The following HNRNPU variants were observed in gnomAD, a reference collection of about 807,000 sequenced individuals.
HNRNPU encodes the protein heterogeneous nuclear ribonucleoprotein U.
In HNRNPU, 5 loss-of-function variants were observed where a neutral mutation model predicts 94.7. The ratio of observed to expected loss-of-function variants is 0.05; its 90% CI spans 0.03 to 0.11. The LOEUF (loss-of-function observed/expected upper bound fraction) is 0.11, where lower values mean the gene tolerates loss of function less well. HNRNPU is among the 10% of genes least tolerant of loss of function. HNRNPU has a pLI of 1.00. For missense variants in HNRNPU, 710 were observed against 1,049.2 expected (o/e 0.68, Z 4.47); for synonymous variants, 434 against 381.6 (o/e 1.14, Z -1.60).
chr1:244,858,176 T>A lies in HNRNPU; in HGVS notation c.1329A>T (p.Pro443=), dbSNP rs777795507. 1.3e-5 allele frequency: 21 copies of A among 1,614,062 alleles called. No homozygotes were observed. Among genetic ancestry groups the A allele is most frequent in the Non-Finnish European group, 1.8e-5 (21 of 1,180,016 alleles). Residue 443 remains proline (P), a synonymous_variant, in exon 7 of 14, where the codon CCA becomes CCT. Transcript: ENST00000640218. ...KISKEVLAGR[P]LFPHVLCHNC... ...TGTGGCAGAGAACATGCGGGAACAGTGGCCGTCCAGCAAGAACTTCCTTAC... is the reference window on the plus strand; with the variant it reads ...TGTGGCAGAGAACATGCGGGAACAGAGGCCGTCCAGCAAGAACTTCCTTAC...
In HNRNPU at chr1:244,855,291, C is replaced by G. The variant is rs1680648193; in HGVS notation, c.2352+133G>C. 1.9e-5 allele frequency: 17 copies of G among 888,354 alleles called. 1 individual carries two copies. In the South Asian group the frequency reaches 2.6e-4, roughly 13 times the overall value. The allele number at this position is 888,354 out of a possible 1,614,324, so 55.0% of individuals were successfully genotyped here. On this transcript the variant is annotated intron_variant, in intron 12 of 13. Coordinates refer to ENST00000640218, the MANE Select transcript of HNRNPU (RefSeq NM_031844.3). The stretch of plus-strand genomic sequence containing the variant: ...AGTAAGTAGACTCATTTCACCATTA[C>G]TAGTTCAATTTTCCTTATGTCAATG...
intron 1 of HNRNPU, 65 bp from the exon 2 acceptor site, chr1:244,862,795 C>A (rs533994336): frequency 8.5e-7 from 1 of 1,181,398 alleles, no homozygotes; most frequent in African/African-American, 1.5e-5. Flanking sequence ...TTTTCCGTTC[C>A]GAGAACCAAA....
chr1:244,855,895 T>C lies in HNRNPU; in HGVS notation c.2167+9A>G. 1 of 1,613,078 alleles carries C rather than the reference T, an allele frequency of 6.2e-7. No homozygotes were observed. Among genetic ancestry groups the C allele is most frequent in the South Asian group, 1.1e-5 (1 of 90,924 alleles). On this transcript the variant is annotated intron_variant, in intron 11 of 13. Transcript: ENST00000640218. The stretch of plus-strand genomic sequence containing the variant: ...TGAACTAAATACAGAACACTCAAAA[T>C]TAACTTGCCTCCTCCTCTGAAATTT...
At chr1:244,858,388 CTAT>C in intron 6 of HNRNPU, 114 bp from the exon 7 acceptor site, 1 of 976,286 alleles carries the variant, frequency 1.0e-6, no homozygotes, top group Admixed American at 2.8e-5. Flanking sequence ...GGTTAAAGAA[CTAT>C]TAGGTGGCCT....
chr1:244,863,802 T>C lies in HNRNPU; in HGVS notation c.506A>G (p.Gln169Arg), dbSNP rs1680924291. The C allele has an allele frequency of 6.2e-7, 1 of 1,609,242 alleles. No homozygotes were observed. Among genetic ancestry groups the C allele is most frequent in the Non-Finnish European group, 8.5e-7 (1 of 1,178,754 alleles). Residue 169 changes from glutamine to arginine, a missense_variant, in exon 1 of 14, where the codon CAG (glutamine) becomes CGG (arginine). Gln to Arg is a conservative substitution (Grantham distance 43). Around this residue, in one of 8 missense-constraint regions of HNRNPU, gnomAD observed 292 missense variants for 293.4 expected, o/e 1.00. Transcript: ENST00000640218. Reference protein sequence around the residue: ...GEQQPQPPATQQQQPQQQRGA... With the variant: ...GEQQPQPPATRQQQPQQQRGA... ...GCGCTGCTGTTGGGGCTGTTGCTGC[T>C]GCGTCGCCGGCGGTTGAGGCTGCTG...
chr1:244,863,489 C>T, intron 1 of HNRNPU, 128 bp downstream of exon 1: 1 of 1,092,096 alleles, frequency 9.2e-7, no homozygotes, highest in Non-Finnish European at 1.2e-6. Context: ...CGCGCCCCCT[C>T]CCCCACCCTC....
In HNRNPU at chr1:244,859,013, A is replaced by C. The variant is rs115664894; in HGVS notation, c.1118-172T>G. ...CCAGAATTGATGGAAGTTAGGAGGG[A>C]TATATACGCAGAGACCAAATTAGTT... On this transcript the variant is annotated intron_variant, in intron 5 of 13. Transcript: ENST00000640218. 12,686 of 593,922 alleles carry C rather than the reference A, an allele frequency of 0.021. 163 individuals are homozygous for C. Among genetic ancestry groups the C allele is most frequent in the Middle Eastern group, 0.033 (76 of 2,292 alleles). The allele number at this position is 593,922 out of a possible 1,614,324, so 36.8% of individuals were successfully genotyped here.
intron 3 of HNRNPU, chr1:244,860,770 T>A: frequency 5.0e-6 from 2 of 399,542 alleles, no homozygotes; most frequent in Non-Finnish European, 8.9e-6. Flanking sequence ...CCTGCTCTGC[T>A]CTTTACCTTG....
At chr1:244,862,308 AACT>A (rs1408750472) in intron 3 of HNRNPU, 150 bp downstream of exon 3, 3 of 594,236 alleles carry the variant, frequency 5.0e-6, no homozygotes, top group Admixed American at 6.4e-5. Context: ...CTAAATATTA[AACT>A]ACTAGGTTCT....
At position 244,858,111 on chromosome 1, in the gene HNRNPU, G is replaced by A. The variant is rs375317302; in HGVS notation, c.1394C>T (p.Pro465Leu). Residue 465 changes from proline to leucine, a missense_variant, in exon 7 of 14, where the codon CCA becomes CTA. Around this residue, in one of 8 missense-constraint regions of HNRNPU, gnomAD observed 150 missense variants for 187.9 expected, o/e 0.80. Transcript: ENST00000640218. ...VEFNFGQKEKPYFPIPEEYTF... is the reference protein window; with the variant it reads ...VEFNFGQKEKLYFPIPEEYTF... ...ATACTCTTCAGGTATTGGAAAATAT[G>A]GCTTTTCCTTCTGACCAAAATTAAA... The A allele has an allele frequency of 4.3e-6, 7 of 1,613,816 alleles. No individual in the cohort carries two copies. Among genetic ancestry groups the A allele is most frequent in the Non-Finnish European group, 5.9e-6 (7 of 1,179,896 alleles).
rs1168925649 is a variant in HNRNPU at position 244,862,780 on chromosome 1, A to G, written c.692-50T>C. ...AGGCCAAGCCTCTAAACAACAAAAAAACGCTTTTCCGTTCCGAGAACCAAA... is the reference window on the plus strand; with the variant it reads ...AGGCCAAGCCTCTAAACAACAAAAAGACGCTTTTCCGTTCCGAGAACCAAA... On this transcript the variant is annotated intron_variant, in intron 1 of 13. Transcript: ENST00000640218. 3 of 1,421,852 alleles carry G rather than the reference A, an allele frequency of 2.1e-6. No individual in the cohort carries two copies. In the East Asian group the frequency reaches 6.8e-5, roughly 32 times the overall value. 88.1% of individuals were successfully genotyped at this position (1,421,852 alleles called of 1,614,324 possible). A position where few individuals can be genotyped will look rare whatever the true frequency, so the allele number is the denominator to read the frequency against.
rs1412217371 is a variant in HNRNPU, at chr1:244,857,815, T to C, written c.1495-98A>G. On this transcript the variant is annotated intron_variant, in intron 7 of 13. Transcript: ENST00000640218. ...GCCAATTTAAATATCTAAGTTTTCATAGCCCTTACACTAACGGACAAAAAT... is the reference window on the plus strand; with the variant it reads ...GCCAATTTAAATATCTAAGTTTTCACAGCCCTTACACTAACGGACAAAAAT... The C allele has an allele frequency of 4.0e-5, 59 of 1,472,054 alleles. No homozygotes were observed. The East Asian group carries it at 9.5e-4, about 24-fold the overall frequency. The allele number at this position is 1,472,054 out of a possible 1,614,324, so 91.2% of individuals were successfully genotyped here.
rs199765762 is a variant in HNRNPU, at chr1:244,863,934, T to G, written c.374A>C (p.Glu125Ala). The change falls in exon 1 of 14, where the codon GAG (glutamate) becomes GCG (alanine). Residue 125 changes from glutamate (E) to alanine (A), a missense_variant. By Grantham distance (107) the Glu-to-Ala change is moderately radical. Coordinates refer to ENST00000640218, the MANE Select transcript of HNRNPU (RefSeq NM_031844.3). ...AADSGPMEEEEAASEDENGDD... is the reference protein window; with the variant it reads ...AADSGPMEEEAAASEDENGDD... Reference sequence around the variant, plus strand: ...GCCGTTCTCGTCTTCCGAGGCGGCCTCCTCCTCCTCCATCGGGCCCGAGTC... The same window carrying G: ...GCCGTTCTCGTCTTCCGAGGCGGCCGCCTCCTCCTCCATCGGGCCCGAGTC... 81 of 1,612,596 alleles carry G rather than the reference T, an allele frequency of 5.0e-5. No homozygotes were observed. Among genetic ancestry groups the G allele is most frequent in the Admixed American group, 4.7e-4 (28 of 59,942 alleles).
At chr1:244,862,195 TG>T (rs1680849526) in intron 3 of HNRNPU, 1 of 362,842 alleles carries the variant, frequency 2.8e-6, no homozygotes, top group Admixed American at 4.2e-5. Context: ...AGTCAAAAAC[TG>T]GCATTAATTT....
rs1680927043 is a variant in HNRNPU at position 244,863,882 on chromosome 1, T to G, written c.426A>C (p.Glu142Asp). ...CTTCCTCTTCGTCCCCGAGCTCATC[T>G]TCCCCTTCCTGGAAACCCTGATCGT... ...NGDDQGFQEG[E>D]DELGDEEEGA... is the part of the protein sequence containing the mutation. The change falls in exon 1 of 14, where the codon GAA becomes GAC. Residue 142 changes from glutamate (E) to aspartate (D), a missense_variant. Glu to Asp is a conservative substitution (Grantham distance 45). Around this residue, in one of 8 missense-constraint regions of HNRNPU, gnomAD observed 292 missense variants for 293.4 expected, o/e 1.00. Coordinates refer to ENST00000640218, the MANE Select transcript of HNRNPU (RefSeq NM_031844.3). The G allele has an allele frequency of 2.5e-6, 4 of 1,613,758 alleles. No homozygotes were observed. The East Asian group carries it at 6.7e-5, about 27-fold the overall frequency.
rs965374973 is a variant in HNRNPU at position 244,852,778 on chromosome 1, A to T, written c.*1672T>A. 1 of 152,340 alleles carries T rather than the reference A, an allele frequency of 6.6e-6. No homozygotes were observed. Among genetic ancestry groups the T allele is most frequent in the Admixed American group, 6.5e-5 (1 of 15,272 alleles). The allele number at this position is 152,340 out of a possible 1,614,324, so 9.4% of individuals were successfully genotyped here. ...AAAGGGCTAAAACAAAATTCTAAGC[A>T]ATCAGAAATATAGCAAACCTAAACT... On this transcript the variant is annotated 3_prime_UTR_variant, in exon 14 of 14. Transcript: ENST00000640218.
chr1:244,856,629 T>A lies in HNRNPU; in HGVS notation c.1744-4A>T, dbSNP rs1242693487. 12 of 1,611,452 alleles carry A rather than the reference T, an allele frequency of 7.4e-6. No individual in the cohort carries two copies. The highest frequency in any genetic ancestry group is 5.1e-5 in the Admixed American group (3 of 59,336). ...GGGCAGCAGCAGACACATTTGTCTT[T>A]AAAAAAAGAAATTTATGTTTACAAC... is the stretch of plus-strand genomic sequence containing the variant. On this transcript the variant is annotated splice_polypyrimidine_tract_variant and splice_region_variant and intron_variant, in intron 9 of 13. Coordinates refer to ENST00000640218, the MANE Select transcript of HNRNPU (RefSeq NM_031844.3).
At chr1:244,859,235 G>C in intron 5 of HNRNPU, 40 bp downstream of exon 5, 1 of 1,024,766 alleles carries the variant, frequency 9.8e-7, no homozygotes, top group Non-Finnish European at 1.5e-6. Flanking sequence ...AGACCCTCCT[G>C]AACATTCATG....
rs535031443 is a variant in HNRNPU, at chr1:244,854,890, G to A, written c.2424+83C>T. Reference sequence around the variant, plus strand: ...AACACTTATAAACACTTCAATCCCTGAACAAGATCTTTTTCAAGACTGATA... The same window carrying A: ...AACACTTATAAACACTTCAATCCCTAAACAAGATCTTTTTCAAGACTGATA... On this transcript the variant is annotated intron_variant, in intron 13 of 13. Transcript: ENST00000640218. The A allele has an allele frequency of 3.5e-6, 4 of 1,127,028 alleles. No individual in the cohort carries two copies. In the East Asian group the frequency reaches 9.4e-5, roughly 26 times the overall value. 69.8% of individuals were successfully genotyped at this position (1,127,028 alleles called of 1,614,324 possible). A position where few individuals can be genotyped will look rare whatever the true frequency, so the allele number is the denominator to read the frequency against.
Sources: gnomAD v4.1 joint callset for allele counts on GRCh38, gnomAD v4.1.1 for gene constraint, gnomAD v4.1.1 regional missense constraint, MANE v1.5 for transcripts, NCBI Gene and HGNC (gene_info 2026-07-23, HGNC 2026-07-21) for gene names.